The following CDH9 variants were observed in gnomAD, a reference collection of about 807,000 sequenced individuals.
CDH9 encodes cadherin 9.
Under a neutral mutation model 70.9 loss-of-function variants are expected in CDH9, and 28 were observed. The ratio of observed to expected loss-of-function variants is 0.40; its 90% CI spans 0.29 to 0.54. The LOEUF (loss-of-function observed/expected upper bound fraction) is 0.54, where lower values mean the gene tolerates loss of function less well. Among genes scored for constraint, CDH9 ranks in the 20% least tolerant of loss-of-function variants. The probability of loss-of-function intolerance (pLI) is 0.59; values close to 1 mark genes in which losing one functional copy is unlikely to be tolerated. For synonymous variants in CDH9, 409 were observed against 343.1 expected, an observed-to-expected ratio of 1.19 and a Z score of -2.12; for missense variants, 874 against 984.4, an observed-to-expected ratio of 0.89 and a Z score of 1.50.
chr5:26,926,655 GGACA>G (rs1741345401), intron 2 of CDH9, among the ~76,000 whole-genome samples: 1 of 151,920 alleles, frequency 6.6e-6, no homozygotes, highest in Non-Finnish European at 1.5e-5. Context: ...TAAGAAAATA[GGACA>G]AAGCTGGAGG....
In CDH9 at chr5:26,933,261, G is replaced by A. The variant is rs190538568; in HGVS notation, c.229-17337C>T. ...CACCTTGGGAGACTACAAAAGATGA[G>A]TAAATTAAACCTGAGGTAAATTCAG... On this transcript the variant is annotated intron_variant, in intron 2 of 11. Coordinates refer to ENST00000231021, the MANE Select transcript of CDH9 (RefSeq NM_016279.4). Among the ~76,000 whole-genome samples the A allele has an allele frequency of 9.0e-3, 1,353 of 151,136 alleles. 10 individuals are homozygous for A. Among genetic ancestry groups the A allele is most frequent in the African/African-American group, 0.014 (585 of 41,362 alleles).
intron 9 of CDH9, among the ~76,000 whole-genome samples, chr5:26,887,134 T>C (rs569656268): frequency 6.6e-6 from 1 of 152,262 alleles, no homozygotes; most frequent in South Asian, 2.1e-4. Context: ...CAGCATGATA[T>C]GTAACTGTAT....
At chr5:26,922,994 C>T (rs969748094) in intron 2 of CDH9, among the ~76,000 whole-genome samples, 1 of 148,150 alleles carries the variant, frequency 6.7e-6, no homozygotes, top group Non-Finnish European at 1.5e-5. Context: ...GGATTAAATT[C>T]CTACTTCTCA....
chr5:26,952,276 T>C (rs1741859763), intron 2 of CDH9, among the ~76,000 whole-genome samples: 1 of 148,078 alleles, frequency 6.8e-6, no homozygotes, highest in South Asian at 2.1e-4. Flanking sequence ...ATGTTGAAAT[T>C]TAATTAACTC....
At chr5:27,007,362 A>C (rs1742881925) in intron 1 of CDH9, among the ~76,000 whole-genome samples, 1 of 152,064 alleles carries the variant, frequency 6.6e-6, no homozygotes, top group Admixed American at 6.6e-5. Flanking sequence ...GATGGGGAGG[A>C]TGTGCATGGC....
At chr5:26,926,924 C>CCCA (rs745936783) in intron 2 of CDH9, among the ~76,000 whole-genome samples, 4 of 147,668 alleles carry the variant, frequency 2.7e-5, no homozygotes, top group Non-Finnish European at 4.5e-5. Flanking sequence ...ACAGCCCCCC[C>CCCA]CCGCAAAAAA....
chr5:26,923,655 G>T (rs1585803), intron 2 of CDH9, among the ~76,000 whole-genome samples: 145,760 of 152,112 alleles, frequency 0.96, 70,131 homozygotes, highest in East Asian at 1. Flanking sequence ...GGATAGATCA[G>T]ACGTTAGGCC....
chr5:26,920,334 G>A (rs1443395874), intron 2 of CDH9, among the ~76,000 whole-genome samples: 1 of 151,928 alleles, frequency 6.6e-6, no homozygotes, highest in Non-Finnish European at 1.5e-5. Context: ...TTGGATGCCA[G>A]CTTAGCTTTA....
chr5:26,896,488 G>C (rs1740752394), intron 7 of CDH9, among the ~76,000 whole-genome samples: 1 of 123,034 alleles, frequency 8.1e-6, no homozygotes, highest in Non-Finnish European at 1.9e-5. Context: ...GAAATGAAAT[G>C]AATTTCATTT....
intron 1 of CDH9, among the ~76,000 whole-genome samples, chr5:27,021,856 A>G (rs1327439422): frequency 6.6e-6 from 1 of 152,038 alleles, no homozygotes; most frequent in Non-Finnish European, 1.5e-5. Flanking sequence ...CATCAGGAAG[A>G]AATCTCTAAC....
chr5:26,906,611 C>A (rs1461518525), intron 4 of CDH9, 108 bp downstream of exon 4: 3 of 1,397,338 alleles, frequency 2.1e-6, no homozygotes, highest in Non-Finnish European at 1.9e-6. Flanking sequence ...CAAATAGAAA[C>A]ATGAAACTGA....
At chr5:27,022,415 C>A (rs1443771654) in intron 1 of CDH9, among the ~76,000 whole-genome samples, 1 of 152,006 alleles carries the variant, frequency 6.6e-6, no homozygotes, top group African/African-American at 2.4e-5. Context: ...TTTCTCCATA[C>A]CACACAATTC....
chr5:27,018,898 T>C (rs1488881614), intron 1 of CDH9, among the ~76,000 whole-genome samples: 1 of 151,962 alleles, frequency 6.6e-6, no homozygotes, highest in Non-Finnish European at 1.5e-5. Context: ...AGCAGTGATT[T>C]ATTGGGTTTT....
At chr5:26,908,619 G>A (rs1035032428) in intron 3 of CDH9, among the ~76,000 whole-genome samples, 3 of 151,990 alleles carry the variant, frequency 2.0e-5, no homozygotes, top group African/African-American at 7.2e-5. Context: ...ATATTTTTGT[G>A]GAATTTTAAT....
intron 2 of CDH9, among the ~76,000 whole-genome samples, chr5:26,974,346 C>T (rs956887176): frequency 5.3e-5 from 8 of 151,138 alleles, no homozygotes; most frequent in African/African-American, 1.9e-4. Context: ...ATGATAGGTG[C>T]TTTTTTTTTA....
intron 1 of CDH9, among the ~76,000 whole-genome samples, chr5:26,989,119 C>T (rs1742538031): frequency 6.6e-6 from 1 of 151,846 alleles, no homozygotes; most frequent in African/African-American, 2.4e-5. Flanking sequence ...AGCATTGAAA[C>T]TTGATATTGC....
At chr5:26,884,294 A>C (rs751268005) in intron 11 of CDH9, among the ~76,000 whole-genome samples, 5 of 152,162 alleles carry the variant, frequency 3.3e-5, no homozygotes, top group Non-Finnish European at 7.4e-5. Flanking sequence ...CTATGTGTGC[A>C]TGACTGTCTT....
intron 11 of CDH9, among the ~76,000 whole-genome samples, chr5:26,882,572 A>G (rs952459336): frequency 6.6e-6 from 1 of 152,058 alleles, no homozygotes; most frequent in Non-Finnish European, 1.5e-5. Context: ...AGCAAACACG[A>G]TTTTAAAAAT....
intron 1 of CDH9, among the ~76,000 whole-genome samples, chr5:27,036,195 A>AATC (rs1023745265): frequency 6.6e-6 from 1 of 151,898 alleles, no homozygotes; most frequent in Non-Finnish European, 1.5e-5. Flanking sequence ...GAATAAAAAC[A>AATC]ATCTAATTAA....
Sources: allele counts gnomAD v4.1 joint callset (sites outside exome capture counted in the v4.1 genomes callset), GRCh38; gene constraint gnomAD v4.1.1; transcripts MANE v1.5; gene names NCBI Gene and HGNC (gene_info 2026-07-23, HGNC 2026-07-21).